The following SLC35F2 variants were observed in gnomAD, a reference collection of about 807,000 sequenced individuals.
SLC35F2 encodes solute carrier family 35 member F2.
SLC35F2 carries 25 observed loss-of-function variants against 38.1 expected under a neutral mutation model. That is an observed-to-expected ratio of 0.66 (90% CI 0.48 to 0.92). The LOEUF is 0.92. Among genes scored for constraint, SLC35F2 ranks in the 40% least tolerant of loss-of-function variants. The pLI, the probability that SLC35F2 is intolerant of heterozygous loss-of-function variation, is 0.00. For synonymous variants in SLC35F2, 173 were observed against 181.7 expected (o/e 0.95, Z 0.38); for missense variants, 409 against 452.9 (o/e 0.90, Z 0.88).
At chr11:107,799,018 G>A (rs1361499608) in intron 7 of SLC35F2, among the ~76,000 whole-genome samples, 1 of 152,200 alleles carries the variant, frequency 6.6e-6, no homozygotes, top group East Asian at 1.9e-4. Flanking sequence ...AGGGGTGGCA[G>A]TGAGCTGAGA....
At chr11:107,858,603 G>A in intron 1 of SLC35F2, 55 bp downstream of exon 1, 2 of 1,242,244 alleles carry the variant, frequency 1.6e-6, no homozygotes, top group Non-Finnish European at 2.0e-6. Flanking sequence ...GTGCGCGCAG[G>A]GCCCGCAGCC....
At chr11:107,805,956 A>C (rs1165042121) in intron 4 of SLC35F2, among the ~76,000 whole-genome samples, 1 of 152,034 alleles carries the variant, frequency 6.6e-6, no homozygotes, top group East Asian at 1.9e-4. Flanking sequence ...TAATTTTTGT[A>C]TTTTTGGTAG....
chr11:107,853,902 T>C (rs1239225611), intron 1 of SLC35F2, among the ~76,000 whole-genome samples: 1 of 151,912 alleles, frequency 6.6e-6, no homozygotes, highest in Non-Finnish European at 1.5e-5. Flanking sequence ...TGATGGTTGT[T>C]ACAAGGAATA....
intron 2 of SLC35F2, among the ~76,000 whole-genome samples, chr11:107,812,397 C>T (rs1010088640): frequency 1.3e-5 from 2 of 152,124 alleles, no homozygotes; most frequent in African/African-American, 4.8e-5. Context: ...CCCAAATGGG[C>T]ACAGTGGTGT....
chr11:107,837,525 T>TAAAA (rs57873203), intron 1 of SLC35F2, among the ~76,000 whole-genome samples: 53,920 of 120,992 alleles, frequency 0.45, 11,568 homozygotes, highest in South Asian at 0.51. Context: ...CTGTCTCTAC[T>TAAAA]AAAAAAAAAA....
chr11:107,810,931 C>G, intron 3 of SLC35F2: 1 of 973,626 alleles, frequency 1.0e-6, no homozygotes, highest in Non-Finnish European at 1.2e-6. Flanking sequence ...TCAAATCCCA[C>G]ATCTGATACA....
Position 107,811,914 on chromosome 11 carries a change from CTTT to C in SLC35F2, c.287-123_287-121del. ...TTTTTTTTTCTTTTTTCTTCTTCTT[CTTT>C]TTGAGATAGGGTCTCATTCTGTTGC... is the stretch of plus-strand genomic sequence containing the variant. On this transcript the variant is annotated intron_variant, in intron 2 of 7. Coordinates refer to ENST00000525815, the MANE Select transcript of SLC35F2 (RefSeq NM_017515.5). 3.2e-6 allele frequency: 3 copies of C among 947,428 alleles called. No individual in the cohort carries two copies. The African/African-American group carries it at 5.0e-5, about 16-fold the overall frequency. 58.7% of individuals were successfully genotyped at this position (947,428 alleles called of 1,614,324 possible). A position where few individuals can be genotyped will look rare whatever the true frequency, so the allele number is the denominator to read the frequency against.
At chr11:107,799,887 GTTTTTGT>G (rs1565427178) in intron 7 of SLC35F2, among the ~76,000 whole-genome samples, 1 of 100,222 alleles carries the variant, frequency 1.0e-5, no homozygotes, top group African/African-American at 3.6e-5. Context: ...GTTTTTGTTT[GTTTTTGT>G]TTTTTTTTTT....
chr11:107,830,369 A>G (rs1210222476), intron 1 of SLC35F2, among the ~76,000 whole-genome samples: 1 of 152,054 alleles, frequency 6.6e-6, no homozygotes, highest in Non-Finnish European at 1.5e-5. Flanking sequence ...GCAGATCACG[A>G]GGTCAAGAGA....
At chr11:107,829,808 TA>T (rs1188644074) in intron 1 of SLC35F2, among the ~76,000 whole-genome samples, 3 of 152,098 alleles carry the variant, frequency 2.0e-5, no homozygotes, top group African/African-American at 7.2e-5. Context: ...AACATTGAAC[TA>T]AAATTTAACA....
intron 1 of SLC35F2, chr11:107,821,486 G>A (rs73001563): frequency 0.036 from 35,635 of 985,238 alleles, 1,029 homozygotes; most frequent in African/African-American, 0.14. Flanking sequence ...AGGAAATTGA[G>A]CAAAGGAAGA....
At chr11:107,848,288 G>C (rs1309212425) in intron 1 of SLC35F2, among the ~76,000 whole-genome samples, 1 of 152,104 alleles carries the variant, frequency 6.6e-6, no homozygotes, top group Non-Finnish European at 1.5e-5. Flanking sequence ...AGGAGAGAAG[G>C]GTGAGGAGAG....
intron 1 of SLC35F2, among the ~76,000 whole-genome samples, chr11:107,836,335 T>C (rs896130992): frequency 1.4e-4 from 5 of 35,658 alleles, no homozygotes; most frequent in Non-Finnish European, 2.6e-4. Flanking sequence ...GCTCTAAAGC[T>C]TTTTTTTTGT....
In SLC35F2 at chr11:107,796,597, T is replaced by C. The variant is rs527531675; in HGVS notation, c.940-3797A>G. On this transcript the variant is annotated intron_variant, in intron 7 of 7. Coordinates refer to ENST00000525815, the MANE Select transcript of SLC35F2 (RefSeq NM_017515.5). ...AAGTCAATCTTGTGGAGGTAGAGCA[T>C]AGAATGACAGATATCAGAGGCTGTG... is the stretch of plus-strand genomic sequence containing the variant. Among the ~76,000 whole-genome samples, 10 of 152,276 alleles carry C rather than the reference T, an allele frequency of 6.6e-5. No individual in the cohort carries two copies. The East Asian group carries it at 1.7e-3, about 26-fold the overall frequency.
chr11:107,823,530 G>T (rs1386052693), intron 1 of SLC35F2, among the ~76,000 whole-genome samples: 2 of 152,080 alleles, frequency 1.3e-5, no homozygotes, highest in Admixed American at 6.6e-5. Context: ...AACCCAAAAA[G>T]AAATATACAT....
chr11:107,829,113 G>C (rs1174316884), intron 1 of SLC35F2, among the ~76,000 whole-genome samples: 1 of 144,592 alleles, frequency 6.9e-6, no homozygotes, highest in African/African-American at 2.6e-5. Context: ...CTTGGAGCAG[G>C]AGGTCAGTAG....
chr11:107,835,446 C>CT (rs1591203446), intron 1 of SLC35F2, among the ~76,000 whole-genome samples: 1 of 138,710 alleles, frequency 7.2e-6, no homozygotes, highest in Non-Finnish European at 1.6e-5. Flanking sequence ...TTTTTTTTTC[C>CT]TTTTTTTGAG....
intron 1 of SLC35F2, 189 bp downstream of exon 1, chr11:107,858,469 T>G: frequency 4.5e-6 from 2 of 448,500 alleles, no homozygotes; most frequent in Non-Finnish European, 7.6e-6. Context: ...ACGCACCAAG[T>G]GCTTCCCGAC....
At chr11:107,831,460 G>A (rs1859839813) in intron 1 of SLC35F2, among the ~76,000 whole-genome samples, 1 of 152,100 alleles carries the variant, frequency 6.6e-6, no homozygotes, top group Non-Finnish European at 1.5e-5. Flanking sequence ...CCCGGCCTCA[G>A]GCGATCCTCA....
Sources: allele counts gnomAD v4.1 joint callset (sites outside exome capture counted in the v4.1 genomes callset), GRCh38; gene constraint gnomAD v4.1.1; transcripts MANE v1.5; gene names NCBI Gene and HGNC (gene_info 2026-07-23, HGNC 2026-07-21).